Variants in SPIRE2 observed in about 807,000 individuals in gnomAD.
The protein encoded by SPIRE2 is protein spire homolog 2.
A neutral mutation model predicts 80.7 loss-of-function variants in SPIRE2; 76 were observed. That is an observed-to-expected ratio of 0.94 (90% CI 0.78 to 1.14). SPIRE2 has a LOEUF of 1.14. Ranked by LOEUF, SPIRE2 falls within the 50% of genes most tolerant of loss-of-function variation. The probability of loss-of-function intolerance (pLI) is 0.00; values close to 1 mark genes in which losing one functional copy is unlikely to be tolerated. For missense variants in SPIRE2, 1,196 were observed against 1,015.3 expected, an observed-to-expected ratio of 1.18 and a Z score of -2.42; for synonymous variants, 535 against 432.6, an observed-to-expected ratio of 1.24 and a Z score of -2.94.
At chr16:89,865,601 T>A (rs1017400135) in intron 12 of SPIRE2, among the ~76,000 whole-genome samples, 3 of 152,048 alleles carry the variant, frequency 2.0e-5, no homozygotes, top group African/African-American at 7.2e-5. Flanking sequence ...TAAACACAAC[T>A]GTATCTCGCA....
In SPIRE2 at chr16:89,854,348, C is replaced by T. The variant is rs2041667159; in HGVS notation, c.708C>T (p.Ser236=). ...AGACGCCTCGGGCAGAGCTGGACAGCCTGGGTCACACAGACTGGGTAAGGC... is the reference window on the plus strand; with the variant it reads ...AGACGCCTCGGGCAGAGCTGGACAGTCTGGGTCACACAGACTGGGTAAGGC... ...HLETPRAELD[S]LGHTDWARLW... The change falls in exon 4 of 15, where the codon AGC becomes AGT. Residue 236 remains serine, a synonymous_variant. Coordinates refer to ENST00000378247, the MANE Select transcript of SPIRE2 (RefSeq NM_032451.2). 1.2e-6 allele frequency: 2 copies of T among 1,612,508 alleles called. No homozygotes were observed. The highest frequency in any genetic ancestry group is 1.7e-6 in the Non-Finnish European group (2 of 1,179,826).
chr16:89,847,937 G>A (rs1254661866), intron 2 of SPIRE2, among the ~76,000 whole-genome samples: 3 of 152,210 alleles, frequency 2.0e-5, no homozygotes, highest in Non-Finnish European at 4.4e-5. Flanking sequence ...GGGGCTGGGT[G>A]CTGCTGTGGA....
intron 1 of SPIRE2, among the ~76,000 whole-genome samples, chr16:89,835,266 T>C (rs2041436963): frequency 6.6e-6 from 1 of 152,246 alleles, no homozygotes; most frequent in African/African-American, 2.4e-5. Context: ...GATTTTTCGC[T>C]GAGCCCTGGC....
In SPIRE2 at chr16:89,850,399, C is replaced by T. The variant is rs1279343459; in HGVS notation, c.384C>T (p.Leu128=). 1.9e-6 allele frequency: 3 copies of T among 1,596,004 alleles called. No homozygotes were observed. Among genetic ancestry groups the T allele is most frequent in the Non-Finnish European group, 2.6e-6 (3 of 1,172,864 alleles). Residue 128 remains leucine (L), a synonymous_variant, in exon 3 of 15, where the codon CTC becomes CTT. Transcript: ENST00000378247. ...AACTCAGCCCTCAGCTGGAGCGGCT[C>T]ATCGACCTCATGGCCAACAACGACA... ...ERELSPQLER[L]IDLMANNDSE...
rs34541989 is a variant in SPIRE2 at position 89,871,086 on chromosome 16, GA to G, written c.*825del. 62 of 145,248 alleles carry G rather than the reference GA, an allele frequency of 4.3e-4. No individual in the cohort carries two copies. Among genetic ancestry groups the G allele is most frequent in the East Asian group, 6.0e-4 (3 of 5,006 alleles). 9.0% of individuals were successfully genotyped at this position (145,248 alleles called of 1,614,324 possible). On this transcript the variant is annotated 3_prime_UTR_variant, in exon 15 of 15. Coordinates refer to ENST00000378247, the MANE Select transcript of SPIRE2 (RefSeq NM_032451.2). The stretch of plus-strand genomic sequence containing the variant: ...GGGCGACAGAGCGAGACTCTGTCTC[GA>G]AAAAAAAAAAGGTCCGTGCCAAGCT...
intron 5 of SPIRE2, among the ~76,000 whole-genome samples, chr16:89,855,099 T>C (rs1014869000): frequency 3.2e-4 from 49 of 152,102 alleles, no homozygotes; most frequent in African/African-American, 1.0e-3. Flanking sequence ...CCACCACGCC[T>C]GGCTAATTTT....
intron 2 of SPIRE2, 181 bp from the exon 3 acceptor site, chr16:89,850,123 A>G: frequency 1.4e-6 from 1 of 710,704 alleles, no homozygotes; most frequent in Non-Finnish European, 2.5e-6. Context: ...GGTGTGGGCC[A>G]CCGCGCCCGG....
At chr16:89,847,410 C>A (rs1567672497) in intron 2 of SPIRE2, among the ~76,000 whole-genome samples, 3 of 152,248 alleles carry the variant, frequency 2.0e-5, no homozygotes, top group Non-Finnish European at 4.4e-5. Context: ...GGGAGGCCGG[C>A]TGGCCCTGCT....
chr16:89,854,603 G>T lies in SPIRE2; in HGVS notation c.843G>T (p.Met281Ile). The T allele has an allele frequency of 6.2e-7, 1 of 1,611,650 alleles. No individual in the cohort carries two copies. The highest frequency in any genetic ancestry group is 2.2e-5 in the East Asian group (1 of 44,704). Residue 281 changes from methionine (M) to isoleucine (I), a missense_variant, in exon 5 of 15, where the codon ATG (methionine) becomes ATT (isoleucine). Coordinates refer to ENST00000378247, the MANE Select transcript of SPIRE2 (RefSeq NM_032451.2). ...PTEFQLTPFE[M>I]LMQDIRARNY... is the part of the protein sequence containing the mutation. Reference sequence around the variant, plus strand: ...AGTTCCAGCTCACGCCCTTCGAGATGCTGATGCAGGACATCCGGGCCCGGA... The same window carrying T: ...AGTTCCAGCTCACGCCCTTCGAGATTCTGATGCAGGACATCCGGGCCCGGA...
At chr16:89,866,258 C>T (rs1488453241) in intron 12 of SPIRE2, among the ~76,000 whole-genome samples, 2 of 152,200 alleles carry the variant, frequency 1.3e-5, no homozygotes, top group Non-Finnish European at 2.9e-5. Flanking sequence ...CACTTCTGAG[C>T]ATGTGGTGTC....
chr16:89,860,371 G>A (rs558047527), intron 9 of SPIRE2, among the ~76,000 whole-genome samples: 8 of 152,066 alleles, frequency 5.3e-5, no homozygotes, highest in Non-Finnish European at 1.2e-4. Context: ...CAATCCTCCC[G>A]CCTCAGCCTC....
rs769873311 is a variant in SPIRE2 at position 89,863,490 on chromosome 16, C to T, written c.1590C>T (p.Pro530=). ...AKHLWLEFSH[P]VESLALTVEE... ...CCGTCCCCTAGGAGTTCAGCCACCCCGTGGAGAGCCTGGCGCTGACTGTGG... is the reference window on the plus strand; with the variant it reads ...CCGTCCCCTAGGAGTTCAGCCACCCTGTGGAGAGCCTGGCGCTGACTGTGG... The change falls in exon 11 of 15, where the codon CCC becomes CCT. Residue 530 remains proline, a synonymous_variant. Coordinates refer to ENST00000378247, the MANE Select transcript of SPIRE2 (RefSeq NM_032451.2). The surrounding 1 kb of genome is among the most constrained non-coding windows in gnomAD (Gnocchi z 4.3). The T allele has an allele frequency of 1.6e-5, 26 of 1,614,020 alleles. No individual in the cohort carries two copies. Among genetic ancestry groups the T allele is most frequent in the Middle Eastern group, 1.6e-4 (1 of 6,062 alleles).
intron 1 of SPIRE2, among the ~76,000 whole-genome samples, chr16:89,845,017 A>G (rs1375494725): frequency 6.6e-6 from 1 of 152,172 alleles, no homozygotes; most frequent in Non-Finnish European, 1.5e-5. Flanking sequence ...AGTGGTCACC[A>G]TGGAGGGGCT....
At chr16:89,837,182 G>A (rs1168006585) in intron 1 of SPIRE2, among the ~76,000 whole-genome samples, 4 of 152,126 alleles carry the variant, frequency 2.6e-5, no homozygotes, top group African/African-American at 4.8e-5. Flanking sequence ...AGTCCTGCCC[G>A]GAACATCTGA....
intron 12 of SPIRE2, among the ~76,000 whole-genome samples, chr16:89,866,870 A>C (rs1046796437): frequency 2.0e-5 from 3 of 151,686 alleles, no homozygotes; most frequent in African/African-American, 7.3e-5. Context: ...CGGTCTCCCA[A>C]AGTGCTGGGA....
intron 2 of SPIRE2, chr16:89,845,769 A>T: frequency 1.7e-6 from 1 of 603,522 alleles, no homozygotes; most frequent in Non-Finnish European, 3.0e-6. Context: ...CAAAACTGGA[A>T]CCTCACCGCA....
Position 89,868,314 on chromosome 16 carries a change from C to A in SPIRE2, c.1806+98C>A. ...TTGGATGATGCTGCCTCACCAGGCA[C>A]CTCATCCATTTCCTTTCAGGCAGAA... On this transcript the variant is annotated intron_variant, in intron 13 of 14. Coordinates refer to ENST00000378247, the MANE Select transcript of SPIRE2 (RefSeq NM_032451.2). The A allele has an allele frequency of 2.5e-6, 3 of 1,222,698 alleles. No individual in the cohort carries two copies. In the South Asian group the frequency reaches 3.7e-5, roughly 15 times the overall value. 75.7% of individuals were successfully genotyped at this position (1,222,698 alleles called of 1,614,324 possible).
Position 89,870,568 on chromosome 16 carries a change from G to A in SPIRE2, c.*296G>A. ...AGAAAGCAGAAGGTTCTAGATCCTG[G>A]CACAGACTGCATCCCATGTTCCCAT... is the stretch of plus-strand genomic sequence containing the variant. On this transcript the variant is annotated 3_prime_UTR_variant, in exon 15 of 15. Transcript: ENST00000378247. 1 of 302,662 alleles carries A rather than the reference G, an allele frequency of 3.3e-6. No homozygotes were observed. The highest frequency in any genetic ancestry group is 4.5e-5 in the South Asian group (1 of 22,388). 18.7% of individuals were successfully genotyped at this position (302,662 alleles called of 1,614,324 possible). A position where few individuals can be genotyped will look rare whatever the true frequency, so the allele number is the denominator to read the frequency against.
chr16:89,854,200 C>T (rs1013349780), intron 3 of SPIRE2, 86 bp from the exon 4 acceptor site: 21 of 1,258,836 alleles, frequency 1.7e-5, no homozygotes, highest in African/African-American at 3.0e-5. Flanking sequence ...GCCCCCGTGA[C>T]GTGGTCGTGT....
Sources: gnomAD v4.1 joint callset for allele counts (sites outside exome capture counted in the v4.1 genomes callset) on GRCh38, gnomAD v4.1.1 for gene constraint, Gnocchi (gnomAD v3.1) non-coding constraint, MANE v1.5 for transcripts, NCBI Gene and HGNC (gene_info 2026-07-23, HGNC 2026-07-21) for gene names.